The following NUP88 variants were observed in gnomAD, a reference collection of about 807,000 sequenced individuals.
NUP88 encodes nucleoporin 88.
In NUP88, 57 loss-of-function variants were observed where a neutral mutation model predicts 93.9. That is an observed-to-expected ratio of 0.61 (90% CI 0.49 to 0.76). The LOEUF (loss-of-function observed/expected upper bound fraction) is 0.76. NUP88 is among the 30% of genes least tolerant of loss of function. NUP88 has a pLI of 0.00. For missense variants in NUP88, 911 were observed against 901.0 expected, an observed-to-expected ratio of 1.01 and a Z score of -0.14; for synonymous variants, 346 against 336.8, an observed-to-expected ratio of 1.03 and a Z score of -0.30.
At chr17:5,391,534 G>T in intron 10 of NUP88, 27 bp downstream of exon 10, 1 of 1,550,412 alleles carries the variant, frequency 6.4e-7, no homozygotes, top group Non-Finnish European at 8.9e-7. Flanking sequence ...AACAAGAGCT[G>T]TGTGGAGAAT....
At chr17:5,416,428 A>C (rs1806264) in intron 2 of NUP88, 85 bp downstream of exon 2, 181,099 of 909,824 alleles carry the variant, frequency 0.2, 23,662 homozygotes, top group East Asian at 0.6. Context: ...TAAGAGTAGT[A>C]TACTAAACAT....
chr17:5,400,577 C>T (rs183443836), intron 7 of NUP88, among the ~76,000 whole-genome samples: 189 of 150,862 alleles, frequency 1.3e-3, no homozygotes, highest in African/African-American at 4.2e-3. Context: ...AACATAAATA[C>T]TTGCTGGCAA....
At position 5,385,383 on chromosome 17, in the gene NUP88, T is replaced by C. The variant is rs1010300215; in HGVS notation, c.*823A>G. 10 of 230,484 alleles carry C rather than the reference T, an allele frequency of 4.3e-5. No homozygotes were observed. The highest frequency in any genetic ancestry group is 1.3e-3 in the Middle Eastern group (1 of 790). The allele number at this position is 230,484 out of a possible 1,614,324, so 14.3% of individuals were successfully genotyped here. On this transcript the variant is annotated 3_prime_UTR_variant, in exon 17 of 17. Coordinates refer to ENST00000573584, the MANE Select transcript of NUP88 (RefSeq NM_002532.6). ...GTCTGTGCCTACATGTTCTCATGCA[T>C]GTCTAACCTGATTTACCTCTTACCT... is the stretch of plus-strand genomic sequence containing the variant.
chr17:5,405,136 T>C lies in NUP88; in HGVS notation c.965A>G (p.Asn322Ser), dbSNP rs143512405. ...CAVLCLPCVP[N>S]ILVIATESGM... Reference sequence around the variant, plus strand: ...TGATTCAGTAGCGATCACTAAGATATTGGGGACACAGGGTAAGCAGAGTAC... The same window carrying C: ...TGATTCAGTAGCGATCACTAAGATACTGGGGACACAGGGTAAGCAGAGTAC... The change falls in exon 6 of 17, where the codon AAT becomes AGT. Residue 322 changes from asparagine (N) to serine (S), a missense_variant. Asn to Ser is a conservative substitution (Grantham distance 46). Transcript: ENST00000573584. 237 of 1,614,084 alleles carry C rather than the reference T, an allele frequency of 1.5e-4. No individual in the cohort carries two copies. The highest frequency in any genetic ancestry group is 1.9e-4 in the Non-Finnish European group (228 of 1,180,042).
intron 7 of NUP88, among the ~76,000 whole-genome samples, chr17:5,402,799 T>G (rs1213975542): frequency 1.3e-5 from 2 of 152,040 alleles, no homozygotes; most frequent in East Asian, 3.9e-4. Flanking sequence ...GCTCAGGACT[T>G]TCAGCTTGGA....
intron 2 of NUP88, among the ~76,000 whole-genome samples, chr17:5,416,180 T>TATACACACACAC (rs1374990658): frequency 2.8e-5 from 3 of 107,338 alleles, no homozygotes; most frequent in African/African-American, 7.2e-5. Flanking sequence ...TATATATATA[T>TATACACACACAC]ACACACATAC....
intron 9 of NUP88, 61 bp downstream of exon 9, chr17:5,394,830 G>T: frequency 8.9e-7 from 1 of 1,128,922 alleles, no homozygotes; most frequent in Non-Finnish European, 1.3e-6. Context: ...GGATACAAAC[G>T]TATCTGAACT....
intron 11 of NUP88, 62 bp from the exon 12 acceptor site, chr17:5,387,966 G>C (rs1912144649): frequency 7.5e-7 from 1 of 1,329,516 alleles, no homozygotes; most frequent in South Asian, 1.5e-5. Context: ...AAAATAAATA[G>C]ACTCAAGTCA....
At chr17:5,394,773 C>A in intron 9 of NUP88, 118 bp downstream of exon 9, 1 of 711,264 alleles carries the variant, frequency 1.4e-6, no homozygotes. Context: ...ATCACGTCTG[C>A]AACTTTCAAA....
intron 4 of NUP88, 87 bp from the exon 5 acceptor site, chr17:5,408,996 G>T: frequency 8.6e-7 from 1 of 1,156,208 alleles, no homozygotes; most frequent in Non-Finnish European, 1.2e-6. Flanking sequence ...AACACAAAAT[G>T]TCTAATAACA....
At position 5,396,580 on chromosome 17, in the gene NUP88, T is replaced by G. The variant is rs937449610; in HGVS notation, c.1292-1599A>C. The stretch of plus-strand genomic sequence containing the variant: ...GTGGCTTCTGGGCTATGATGAATAA[T>G]GCTGCTGTGAACACTCATGTACCAG... On this transcript the variant is annotated intron_variant, in intron 8 of 16. Transcript: ENST00000573584. Among the ~76,000 whole-genome samples the G allele has an allele frequency of 2.1e-4, 32 of 152,236 alleles. 1 individual carries two copies. Among genetic ancestry groups the G allele is most frequent in the African/African-American group, 7.5e-4 (31 of 41,460 alleles).
Position 5,384,892 on chromosome 17 carries a change from A to G in NUP88, c.*1314T>C, listed in dbSNP as rs976718264. The stretch of plus-strand genomic sequence containing the variant: ...CAATCAATTTAAATTACGTAGGTTT[A>G]AGACTAGTCCCTTGGATAAGCCCCA... On this transcript the variant is annotated 3_prime_UTR_variant, in exon 17 of 17. Coordinates refer to ENST00000573584, the MANE Select transcript of NUP88 (RefSeq NM_002532.6). 4.0e-5 allele frequency: 9 copies of G among 222,350 alleles called. No individual in the cohort carries two copies. The highest frequency in any genetic ancestry group is 5.4e-5 in the Non-Finnish European group (6 of 111,464). 13.8% of individuals were successfully genotyped at this position (222,350 alleles called of 1,614,324 possible). A position where few individuals can be genotyped will look rare whatever the true frequency, so the allele number is the denominator to read the frequency against.
chr17:5,394,141 C>T (rs1912621545), intron 9 of NUP88, among the ~76,000 whole-genome samples: 1 of 152,116 alleles, frequency 6.6e-6, no homozygotes, highest in Non-Finnish European at 1.5e-5. Flanking sequence ...TCAGAGTGGT[C>T]TGGGCTAGGG....
rs1024130209 is a variant in NUP88, at chr17:5,385,628, G to C, written c.*578C>G. 4.3e-6 allele frequency: 1 copy of C among 231,062 alleles called. No individual in the cohort carries two copies. The highest frequency in any genetic ancestry group is 8.6e-6 in the Non-Finnish European group (1 of 116,876). The allele number at this position is 231,062 out of a possible 1,614,324, so 14.3% of individuals were successfully genotyped here. On this transcript the variant is annotated 3_prime_UTR_variant, in exon 17 of 17. Transcript: ENST00000573584. ...TCAGTAACAAGTATTGGGACGTAGA[G>C]CACAGCCTCACTCAGCTCTGAAAGG... is the stretch of plus-strand genomic sequence containing the variant.
rs199584054 is a variant in NUP88 at position 5,419,626 on chromosome 17, C to A, written c.25G>T (p.Gly9Cys). 317 of 1,594,632 alleles carry A rather than the reference C, an allele frequency of 2.0e-4. 2 individuals are homozygous for A. In the East Asian group the frequency reaches 6.4e-3, roughly 32 times the overall value. MAAAEGPVGDGELWQTWLP... is the reference protein window; with the variant it reads MAAAEGPVCDGELWQTWLP... ...CAGGTCTGCCACAGCTCGCCGTCGC[C>A]CACCGGTCCCTCGGCGGCCGCCATC... The change falls in exon 1 of 17, where the codon GGC becomes TGC. Residue 9 changes from glycine to cysteine, a missense_variant. Coordinates refer to ENST00000573584, the MANE Select transcript of NUP88 (RefSeq NM_002532.6).
At chr17:5,409,911 A>G (rs781487496) in intron 4 of NUP88, among the ~76,000 whole-genome samples, 4 of 152,160 alleles carry the variant, frequency 2.6e-5, no homozygotes, top group Non-Finnish European at 5.9e-5. Context: ...TCTAAGGTAG[A>G]AGTGCTTAAT....
rs910257818 is a variant in NUP88, at chr17:5,419,295, A to G, written c.297+59T>C. The stretch of plus-strand genomic sequence containing the variant: ...GAAAAACAGCCAAGAGGAGCAAGGA[A>G]CAAAAAAGACTGGTTCCGATCCCGG... On this transcript the variant is annotated intron_variant, in intron 1 of 16. Coordinates refer to ENST00000573584, the MANE Select transcript of NUP88 (RefSeq NM_002532.6). 1.5e-5 allele frequency: 22 copies of G among 1,487,742 alleles called. No homozygotes were observed. In the African/African-American group the frequency reaches 3.1e-4, roughly 21 times the overall value. The allele number at this position is 1,487,742 out of a possible 1,614,324, so 92.2% of individuals were successfully genotyped here.
chr17:5,409,641 A>T lies in NUP88; in HGVS notation c.681-732T>A, dbSNP rs551757695. ...GCCAGGTACTTTTCTAGGGTCTGGG[A>T]ATATGTCAGTGAATTAAACAAATGT... On this transcript the variant is annotated intron_variant, in intron 4 of 16. Transcript: ENST00000573584. 2.2e-4 allele frequency among the ~76,000 whole-genome samples: 34 copies of T among 152,308 alleles called. No homozygotes were observed. In the South Asian group the frequency reaches 6.8e-3, roughly 31 times the overall value.
intron 8 of NUP88, among the ~76,000 whole-genome samples, chr17:5,398,984 G>T (rs1912970838): frequency 6.6e-6 from 1 of 151,122 alleles, no homozygotes; most frequent in South Asian, 2.1e-4. Context: ...CGCCTCCCAG[G>T]TTCACACCAT....
Sources: allele counts gnomAD v4.1 joint callset (sites outside exome capture counted in the v4.1 genomes callset), GRCh38; gene constraint gnomAD v4.1.1; transcripts MANE v1.5; gene names NCBI Gene and HGNC (gene_info 2026-07-23, HGNC 2026-07-21).